Variants in USP6NL observed in about 807,000 individuals in gnomAD.
The protein encoded by USP6NL is USP6 N-terminal-like protein.
USP6NL carries 26 observed loss-of-function variants against 61.9 expected under a neutral mutation model. The observed-to-expected ratio is 0.42, with a 90% CI of 0.31 to 0.58. USP6NL has a LOEUF of 0.58. Among genes scored for constraint, USP6NL ranks in the 20% least tolerant of loss-of-function variants. The probability of loss-of-function intolerance (pLI) is 0.16; values close to 1 mark genes in which losing one functional copy is unlikely to be tolerated. For synonymous variants in USP6NL, 432 were observed against 390.1 expected (o/e 1.11, Z -1.27); for missense variants, 1,114 against 1,034.3 (o/e 1.08, Z -1.06).
intron 2 of USP6NL, among the ~76,000 whole-genome samples, chr10:11,571,698 T>A (rs963741154): frequency 2.0e-5 from 3 of 151,852 alleles, no homozygotes; most frequent in African/African-American, 7.2e-5. Context: ...TATTTGTCCA[T>A]ATGACTTTTT....
chr10:11,516,504 G>A (rs201155844), intron 5 of USP6NL, among the ~76,000 whole-genome samples: 2 of 152,158 alleles, frequency 1.3e-5, no homozygotes, highest in Admixed American at 1.3e-4. Flanking sequence ...AGAACTTGGG[G>A]GAAATCCTGA....
At position 11,485,153 on chromosome 10, in the gene USP6NL, G is replaced by C. The variant is rs1409251584; in HGVS notation, c.825+16C>G. The C allele has an allele frequency of 7.1e-6, 11 of 1,538,526 alleles. No homozygotes were observed. The highest frequency in any genetic ancestry group is 9.6e-6 in the Non-Finnish European group (11 of 1,143,320). ...ATTTATAATTTTATGACTGAGTTTTGTAAATAAATACTTACACGATCAAGG... is the reference window on the plus strand; with the variant it reads ...ATTTATAATTTTATGACTGAGTTTTCTAAATAAATACTTACACGATCAAGG... On this transcript the variant is annotated intron_variant, in intron 12 of 14. Coordinates refer to ENST00000609104, the MANE Select transcript of USP6NL (RefSeq NM_014688.5). This position sits in a 1 kb window ranked among gnomAD's most constrained non-coding sequence, Gnocchi z 4.8.
Position 11,506,830 on chromosome 10 carries a change from G to A in USP6NL, c.276+2765C>T, listed in dbSNP as rs1834462263. Among the ~76,000 whole-genome samples, 3 of 149,606 alleles carry A rather than the reference G, an allele frequency of 2.0e-5. 1 individual carries two copies. In the South Asian group the frequency reaches 6.3e-4, roughly 31 times the overall value. ...TTTCAAATATTTTTAGAATTTCTCT[G>A]TATTACTACTATATAAGTAAGGAAT... On this transcript the variant is annotated intron_variant, in intron 6 of 14. Coordinates refer to ENST00000609104, the MANE Select transcript of USP6NL (RefSeq NM_014688.5).
chr10:11,548,791 T>C lies in USP6NL; in HGVS notation c.5-21224A>G, dbSNP rs953960682. Among the ~76,000 whole-genome samples the C allele has an allele frequency of 1.3e-5, 2 of 152,228 alleles. No homozygotes were observed. Among genetic ancestry groups the C allele is most frequent in the Non-Finnish European group, 2.9e-5 (2 of 68,026 alleles). ...GTTCTTCTAGTCTATGGTAGGATCA[T>C]AGAAGACATGTATACCTTTCTAACA... On this transcript the variant is annotated intron_variant, in intron 2 of 14. Transcript: ENST00000609104. The surrounding 1 kb of genome is among the most constrained non-coding windows in gnomAD (Gnocchi z 4.3).
rs1333666624 is a variant in USP6NL at position 11,562,563 on chromosome 10, T to C, written c.5-34996A>G. On this transcript the variant is annotated intron_variant, in intron 2 of 14. Coordinates refer to ENST00000609104, the MANE Select transcript of USP6NL (RefSeq NM_014688.5). This position sits in a 1 kb window ranked among gnomAD's most constrained non-coding sequence, Gnocchi z 4.8. ...GTGACTACTCTGAGTCTAGCTAGCCTGGACTGTTTCAGCCACTCAGCCAGG... is the reference window on the plus strand; with the variant it reads ...GTGACTACTCTGAGTCTAGCTAGCCCGGACTGTTTCAGCCACTCAGCCAGG... 1.0e-6 allele frequency: 1 copy of C among 985,322 alleles called. No individual in the cohort carries two copies. Among genetic ancestry groups the C allele is most frequent in the Non-Finnish European group, 1.2e-6 (1 of 829,920 alleles). The allele number at this position is 985,322 out of a possible 1,614,324, so 61.0% of individuals were successfully genotyped here.
In USP6NL at chr10:11,575,153, G is replaced by A. The variant is rs1424207519; in HGVS notation, c.4+22478C>T. Among the ~76,000 whole-genome samples the A allele has an allele frequency of 2.0e-5, 3 of 152,172 alleles. No homozygotes were observed. Among genetic ancestry groups the A allele is most frequent in the Non-Finnish European group, 4.4e-5 (3 of 68,020 alleles). On this transcript the variant is annotated intron_variant, in intron 2 of 14. Coordinates refer to ENST00000609104, the MANE Select transcript of USP6NL (RefSeq NM_014688.5). This position sits in a 1 kb window ranked among gnomAD's most constrained non-coding sequence, Gnocchi z 4.2. ...CAAACTAAATCAAAGTAAGAGTTCA[G>A]ATGGGTCAAAGACTAAGTTTTAAAC...
chr10:11,465,096 C>T lies in USP6NL; in HGVS notation c.1079-1247G>A, dbSNP rs1832393177. 1.3e-5 allele frequency among the ~76,000 whole-genome samples: 2 copies of T among 152,126 alleles called. No individual in the cohort carries two copies. The highest frequency in any genetic ancestry group is 4.8e-5 in the African/African-American group (2 of 41,420). ...ATATGAATGCCTTCTTCCCTGTAGG[C>T]AAATAATCCCAACAAACACAATTTA... On this transcript the variant is annotated intron_variant, in intron 14 of 14. Transcript: ENST00000609104. The surrounding 1 kb of genome is among the most constrained non-coding windows in gnomAD (Gnocchi z 4.5).
intron 2 of USP6NL, among the ~76,000 whole-genome samples, 164 bp from the exon 3 acceptor site, chr10:11,527,731 T>C (rs1338486579): frequency 6.6e-6 from 1 of 152,246 alleles, no homozygotes; most frequent in African/African-American, 2.4e-5. Context: ...ACTACAACTT[T>C]GTAATAGCAA....
intron 1 of USP6NL, among the ~76,000 whole-genome samples, chr10:11,599,375 T>C (rs1447823764): frequency 6.6e-6 from 1 of 152,212 alleles, no homozygotes; most frequent in Admixed American, 6.5e-5. Context: ...AATGGTAACA[T>C]TAAAGCACCT....
At chr10:11,505,814 C>T (rs949382515) in intron 6 of USP6NL, among the ~76,000 whole-genome samples, 1 of 152,192 alleles carries the variant, frequency 6.6e-6, no homozygotes, top group African/African-American at 2.4e-5. Context: ...GCAAGCCTGG[C>T]TGAGTTTTGT....
At position 11,470,224 on chromosome 10, in the gene USP6NL, G is replaced by A. The variant is rs1005727716; in HGVS notation, c.1079-6375C>T. Among the ~76,000 whole-genome samples the A allele has an allele frequency of 1.3e-5, 2 of 152,172 alleles. No individual in the cohort carries two copies. Among genetic ancestry groups the A allele is most frequent in the African/African-American group, 2.4e-5 (1 of 41,442 alleles). ...AAGCAGCCAGCAGCGCAGAGGGCAT[G>A]AGGATGGAGAAGGTGGAGGATGGAG... On this transcript the variant is annotated intron_variant, in intron 14 of 14. Coordinates refer to ENST00000609104, the MANE Select transcript of USP6NL (RefSeq NM_014688.5). The surrounding 1 kb of genome is among the most constrained non-coding windows in gnomAD (Gnocchi z 5.4).
chr10:11,501,212 A>C lies in USP6NL; in HGVS notation c.277-4T>G, dbSNP rs757589535. 2 of 1,602,662 alleles carry C rather than the reference A, an allele frequency of 1.2e-6. No homozygotes were observed. ...CTTTGTAAATTCGCCTATGAAACTT[A>C]TTAAAAGAAAAAGAAACTGAAGGTT... On this transcript the variant is annotated splice_region_variant and splice_polypyrimidine_tract_variant and intron_variant, in intron 6 of 14. Coordinates refer to ENST00000609104, the MANE Select transcript of USP6NL (RefSeq NM_014688.5).
chr10:11,521,529 C>T (rs180736609), intron 4 of USP6NL, among the ~76,000 whole-genome samples: 4 of 151,798 alleles, frequency 2.6e-5, no homozygotes, highest in Admixed American at 6.6e-5. Flanking sequence ...TATAGGAGCG[C>T]GCCACCACGC....
intron 2 of USP6NL, among the ~76,000 whole-genome samples, chr10:11,584,989 T>C (rs967364685): frequency 1.3e-5 from 2 of 152,026 alleles, no homozygotes; most frequent in African/African-American, 4.8e-5. Context: ...AATAAATATA[T>C]AAAAGCTACA....
In USP6NL at chr10:11,463,889, G is replaced by GTAAA. The variant is rs1832314407; in HGVS notation, c.1079-44_1079-41dup. The GTAAA allele has an allele frequency of 6.9e-7, 1 of 1,449,164 alleles. No homozygotes were observed. The highest frequency in any genetic ancestry group is 1.4e-5 in the African/African-American group (1 of 69,610). The allele number at this position is 1,449,164 out of a possible 1,614,324, so 89.8% of individuals were successfully genotyped here. On this transcript the variant is annotated intron_variant, in intron 14 of 14. Coordinates refer to ENST00000609104, the MANE Select transcript of USP6NL (RefSeq NM_014688.5). This position sits in a 1 kb window ranked among gnomAD's most constrained non-coding sequence, Gnocchi z 6.3. ...AAAGGCTAAGTAAGATAATACACGA[G>GTAAA]TAAACAGTAGCCAGTTGAAGCAATC...
rs537713458 is a variant in USP6NL, at chr10:11,506,876, TCTC to T, written c.276+2716_276+2718del. Among the ~76,000 whole-genome samples, 53 of 151,866 alleles carry T rather than the reference TCTC, an allele frequency of 3.5e-4. 1 individual carries two copies. In the South Asian group the frequency reaches 0.011, roughly 30 times the overall value. ...GGAATCTGTGGAGAGAAAACATACTTCTCCTTGAAAGACAAGAAAAAAAATGCT... is the reference window on the plus strand; with the variant it reads ...GGAATCTGTGGAGAGAAAACATACTTCTTGAAAGACAAGAAAAAAAATGCT... On this transcript the variant is annotated intron_variant, in intron 6 of 14. Transcript: ENST00000609104.
In USP6NL at chr10:11,597,547, T is replaced by C. The variant is rs1169417730; in HGVS notation, c.4+84A>G. ...GAATAAGTGACATAATTCCAATTTA[T>C]TCAGTAACATGTTTTTCTTCTCCTA... is the stretch of plus-strand genomic sequence containing the variant. On this transcript the variant is annotated intron_variant, in intron 2 of 14. Coordinates refer to ENST00000609104, the MANE Select transcript of USP6NL (RefSeq NM_014688.5). This position sits in a 1 kb window ranked among gnomAD's most constrained non-coding sequence, Gnocchi z 4.6. The C allele has an allele frequency of 1.5e-6, 2 of 1,371,832 alleles. No homozygotes were observed. Among genetic ancestry groups the C allele is most frequent in the East Asian group, 2.5e-5 (1 of 40,094 alleles). 85.0% of individuals were successfully genotyped at this position (1,371,832 alleles called of 1,614,324 possible).
At chr10:11,515,229 C>T (rs1834904761) in intron 5 of USP6NL, among the ~76,000 whole-genome samples, 1 of 152,132 alleles carries the variant, frequency 6.6e-6, no homozygotes, top group Non-Finnish European at 1.5e-5. Context: ...CTATCTGGTC[C>T]AAGGCCCTTC....
At position 11,463,005 on chromosome 10, in the gene USP6NL, GTT is replaced by G; in HGVS notation, c.1921_1922del (p.Asn641LeufsTer18). On this transcript the variant is annotated frameshift_variant, in exon 15 of 15. Coordinates refer to ENST00000609104, the MANE Select transcript of USP6NL (RefSeq NM_014688.5). LOFTEE classifies it low-confidence loss of function (END_TRUNC). This position sits in a 1 kb window ranked among gnomAD's most constrained non-coding sequence, Gnocchi z 6.3. ...SYSNPPVYHG[N>X]SPKHFPTANS... Reference sequence around the variant, plus strand: ...TGGCAGTAGGGAAGTGTTTGGGAGAGTTTCCGTGGTAAACGGGGGGATTGCTG... The same window carrying G: ...TGGCAGTAGGGAAGTGTTTGGGAGAGTCCGTGGTAAACGGGGGGATTGCTG... 1 of 1,613,966 alleles carries G rather than the reference GTT, an allele frequency of 6.2e-7. No individual in the cohort carries two copies. Among genetic ancestry groups the G allele is most frequent in the Non-Finnish European group, 8.5e-7 (1 of 1,179,882 alleles).
Sources: gnomAD v4.1 joint callset for allele counts (sites outside exome capture counted in the v4.1 genomes callset) on GRCh38, gnomAD v4.1.1 for gene constraint, Gnocchi (gnomAD v3.1) non-coding constraint, MANE v1.5 for transcripts, NCBI Gene and HGNC (gene_info 2026-07-23, HGNC 2026-07-21) for gene names.